LRIG1: variants seen among roughly 807,000 people sequenced by gnomAD.
LRIG1 encodes leucine rich repeats and immunoglobulin like domains 1.
A neutral mutation model predicts 99.2 loss-of-function variants in LRIG1; 48 were observed. That is an observed-to-expected ratio of 0.48 (90% confidence interval 0.38 to 0.62). LRIG1 has a LOEUF of 0.62. Ranked by LOEUF, LRIG1 falls within the 20% of genes least tolerant of loss-of-function variation. The pLI, the probability that LRIG1 is intolerant of heterozygous loss-of-function variation, is 0.00. For missense variants in LRIG1, 1,646 were observed against 1,434.4 expected (o/e 1.15, Z -2.38); for synonymous variants, 772 against 596.1 (o/e 1.29, Z -4.30).
intron 3 of LRIG1, among the ~76,000 whole-genome samples, chr3:66,440,326 G>A (rs1257424506): frequency 6.6e-6 from 1 of 152,072 alleles, no homozygotes; most frequent in African/African-American, 2.4e-5. Context: ...CTATGAGTGA[G>A]AGCCACCGCT....
At position 66,417,143 on chromosome 3, in the gene LRIG1, C is replaced by T. The variant is rs201638539; in HGVS notation, c.489G>A (p.Pro163=). The part of the protein sequence containing the change: ...EVRNTCFPHG[P]PIKELNLAGN... ...GAGGCACTTACAGCTCCTTTATAGG[C>T]GGTCCGTGTGGAAAGCAGGTGTTCC... The change falls in exon 4 of 19, where the codon CCG becomes CCA. Residue 163 remains proline, a synonymous_variant. Coordinates refer to ENST00000273261, the MANE Select transcript of LRIG1 (RefSeq NM_015541.3). The T allele has an allele frequency of 6.8e-6, 11 of 1,613,968 alleles. No homozygotes were observed. The highest frequency in any genetic ancestry group is 4.0e-5 in the African/African-American group (3 of 74,918).
chr3:66,482,557 CAAGT>C (rs1700874883), intron 1 of LRIG1, among the ~76,000 whole-genome samples: 1 of 152,182 alleles, frequency 6.6e-6, no homozygotes, highest in Non-Finnish European at 1.5e-5. Flanking sequence ...GGGACAAGCA[CAAGT>C]TCACATGTAA....
chr3:66,466,040 A>ATTTTT (rs925042001), intron 1 of LRIG1, among the ~76,000 whole-genome samples: 1 of 151,896 alleles, frequency 6.6e-6, no homozygotes, highest in Non-Finnish European at 1.5e-5. Context: ...TCAGAATTTC[A>ATTTTT]TTTTTTTTAG....
At chr3:66,482,856 A>G (rs767283893) in intron 1 of LRIG1, among the ~76,000 whole-genome samples, 1 of 152,260 alleles carries the variant, frequency 6.6e-6, no homozygotes, top group Admixed American at 6.5e-5. Flanking sequence ...TCTTTAAAAC[A>G]TAACTGAAAT....
At chr3:66,496,268 T>G (rs573632515) in intron 1 of LRIG1, among the ~76,000 whole-genome samples, 35 of 152,242 alleles carry the variant, frequency 2.3e-4, no homozygotes, top group Non-Finnish European at 4.6e-4. Context: ...AGGGACATTG[T>G]GTGCCAATAC....
chr3:66,399,645 G>T (rs561964254), intron 9 of LRIG1, among the ~76,000 whole-genome samples: 26 of 152,198 alleles, frequency 1.7e-4, no homozygotes, highest in Non-Finnish European at 3.4e-4. Flanking sequence ...ACACGCACCA[G>T]TAGTCGTAGC....
chr3:66,487,258 T>C (rs770403128), intron 1 of LRIG1, among the ~76,000 whole-genome samples: 6 of 152,158 alleles, frequency 3.9e-5, no homozygotes, highest in Non-Finnish European at 5.9e-5. Context: ...GCAACAGCAA[T>C]TGAAGAAAGC....
intron 3 of LRIG1, among the ~76,000 whole-genome samples, chr3:66,427,626 C>A (rs1280450327): frequency 1.3e-5 from 2 of 152,142 alleles, no homozygotes; most frequent in African/African-American, 4.8e-5. Context: ...ACAGTGAGAC[C>A]CTCATCTCTT....
intron 12 of LRIG1, among the ~76,000 whole-genome samples, chr3:66,392,604 G>T (rs569373855): frequency 1.3e-5 from 2 of 149,042 alleles, no homozygotes; most frequent in Non-Finnish European, 3.0e-5. Context: ...GTTTTTAGAG[G>T]GGGGGAAGCT....
chr3:66,493,067 C>T (rs887946835), intron 1 of LRIG1, among the ~76,000 whole-genome samples: 1 of 151,056 alleles, frequency 6.6e-6, no homozygotes, highest in Non-Finnish European at 1.5e-5. Flanking sequence ...CCACAATTGT[C>T]TCCTGTCCTC....
At chr3:66,424,360 C>A (rs191437081) in intron 3 of LRIG1, among the ~76,000 whole-genome samples, 8 of 152,252 alleles carry the variant, frequency 5.3e-5, no homozygotes, top group African/African-American at 9.6e-5. Context: ...GTCTCCCCCC[C>A]ATGAAGGTTA....
chr3:66,400,513 A>T (rs1249526036), intron 9 of LRIG1, among the ~76,000 whole-genome samples: 1 of 152,204 alleles, frequency 6.6e-6, no homozygotes, highest in Admixed American at 6.5e-5. Context: ...CTCAGCGTCA[A>T]CAGGTCTGTC....
Position 66,380,431 on chromosome 3 carries a change from A to G in LRIG1, c.3114T>C (p.Pro1038=). The change falls in exon 19 of 19, where the codon CCT becomes CCC. Residue 1038 remains proline, a synonymous_variant. Transcript: ENST00000273261. Reference sequence around the variant, plus strand: ...GACTGCCTGAAGTTAATGAAGATGCAGGCTGTAGCTCTGTGGAGTCCGGGT... The same window carrying G: ...GACTGCCTGAAGTTAATGAAGATGCGGGCTGTAGCTCTGTGGAGTCCGGGT... ...LYHPDSTELQ[P]ASSLTSGSPE... is the part of the protein sequence containing the mutation. The G allele has an allele frequency of 6.2e-7, 1 of 1,614,228 alleles. No individual in the cohort carries two copies. Among genetic ancestry groups the G allele is most frequent in the Non-Finnish European group, 8.5e-7 (1 of 1,180,038 alleles).
chr3:66,404,511 C>G (rs998390967), intron 9 of LRIG1: 11 of 898,176 alleles, frequency 1.2e-5, no homozygotes, highest in Non-Finnish European at 1.6e-5. Flanking sequence ...GGAACGTGGG[C>G]TTTGGAGCCA....
chr3:66,434,465 G>A (rs768608162), intron 3 of LRIG1, among the ~76,000 whole-genome samples: 16 of 152,118 alleles, frequency 1.1e-4, no homozygotes, highest in South Asian at 2.1e-4. Context: ...ACAACACCAC[G>A]GTCAGGCGCG....
chr3:66,481,551 A>C (rs1700852772), intron 1 of LRIG1, among the ~76,000 whole-genome samples: 1 of 152,230 alleles, frequency 6.6e-6, no homozygotes, highest in Non-Finnish European at 1.5e-5. Context: ...GTGTATACAC[A>C]CACGCATGCA....
chr3:66,471,577 G>A (rs542334575), intron 1 of LRIG1, among the ~76,000 whole-genome samples: 91 of 152,340 alleles, frequency 6.0e-4, no homozygotes, highest in Non-Finnish European at 8.8e-4. Flanking sequence ...CAGCAGGGAC[G>A]GAGGGCATGG....
rs1356374584 is a variant in LRIG1 at position 66,407,493 on chromosome 3, T to C, written c.936-2A>G. On this transcript the variant is annotated splice_acceptor_variant, in intron 7 of 18. Transcript: ENST00000273261. LOFTEE classifies it high-confidence loss of function. ...GTCAGGTTGTTGAAGGACAGGACCCTGAGGAAAGGGAGGGCAGCAATGTCA... is the reference window on the plus strand; with the variant it reads ...GTCAGGTTGTTGAAGGACAGGACCCCGAGGAAAGGGAGGGCAGCAATGTCA... 6.2e-7 allele frequency: 1 copy of C among 1,613,682 alleles called. No homozygotes were observed. Among genetic ancestry groups the C allele is most frequent in the African/African-American group, 1.3e-5 (1 of 75,002 alleles).
chr3:66,381,668 C>T (rs1701073413), intron 16 of LRIG1, 37 bp from the exon 17 acceptor site: 3 of 1,599,878 alleles, frequency 1.9e-6, no homozygotes, highest in Non-Finnish European at 2.6e-6. Context: ...AAACTCTGGG[C>T]TTGGTATTTC....
Sources: gnomAD v4.1 joint callset for allele counts (sites outside exome capture counted in the v4.1 genomes callset) on GRCh38, gnomAD v4.1.1 for gene constraint, MANE v1.5 for transcripts, NCBI Gene and HGNC (gene_info 2026-07-23, HGNC 2026-07-21) for gene names.